The following NIPBL variants were observed in gnomAD, a reference collection of about 807,000 sequenced individuals.
The protein encoded by NIPBL is nipped-B-like protein.
NIPBL carries 19 observed loss-of-function variants against 321.8 expected under a neutral mutation model. That is an observed-to-expected ratio of 0.06 (90% CI 0.04 to 0.09). NIPBL has a LOEUF of 0.09. Among genes scored for constraint, NIPBL ranks in the 10% least tolerant of loss-of-function variants. NIPBL has a pLI of 1.00. For synonymous variants in NIPBL, 1,106 were observed against 1,114.1 expected, an observed-to-expected ratio of 0.99 and a Z score of 0.14; for missense variants, 2,210 against 3,327.0, an observed-to-expected ratio of 0.66 and a Z score of 8.26.
chr5:37,033,705 C>CAT (rs1270053859), intron 32 of NIPBL, among the ~76,000 whole-genome samples: 3 of 80,242 alleles, frequency 3.7e-5, no homozygotes, highest in East Asian at 3.7e-4. Flanking sequence ...CACACACACA[C>CAT]ATATATATAT....
At chr5:37,032,268 A>G (rs921403009) in intron 32 of NIPBL, among the ~76,000 whole-genome samples, 1 of 152,192 alleles carries the variant, frequency 6.6e-6, no homozygotes, top group African/African-American at 2.4e-5. Context: ...ATTTTATTGC[A>G]TGTACATTTT....
intron 7 of NIPBL, 60 bp downstream of exon 7, chr5:36,971,096 G>C: frequency 7.0e-7 from 1 of 1,428,130 alleles, no homozygotes; most frequent in Non-Finnish European, 9.8e-7. Context: ...ATATAACCTA[G>C]TATTTCCATT....
chr5:36,938,646 G>A (rs1165785972), intron 1 of NIPBL, among the ~76,000 whole-genome samples: 1 of 152,138 alleles, frequency 6.6e-6, no homozygotes, highest in South Asian at 2.1e-4. Context: ...AATGAACTAG[G>A]TACTGTCCAG....
intron 32 of NIPBL, among the ~76,000 whole-genome samples, chr5:37,029,584 A>G (rs1391987051): frequency 6.6e-6 from 1 of 152,214 alleles, no homozygotes; most frequent in Admixed American, 6.5e-5. Context: ...GTAAACTCCC[A>G]GGAATGTGAT....
At chr5:36,970,378 G>GT (rs1742714073) in intron 6 of NIPBL, among the ~76,000 whole-genome samples, 1 of 145,524 alleles carries the variant, frequency 6.9e-6, no homozygotes, top group African/African-American at 2.6e-5. Flanking sequence ...AGAGCTGTCT[G>GT]TAAAAAAAAT....
rs574234097 is a variant in NIPBL at position 37,035,626 on chromosome 5, T to C, written c.5863-753T>C. Among the ~76,000 whole-genome samples the C allele has an allele frequency of 3.3e-5, 5 of 152,352 alleles. No homozygotes were observed. The South Asian group carries it at 8.3e-4, about 25-fold the overall frequency. ...ATTGCAAGTGCTTAATAACTGCATG[T>C]GACTCTTGGAAACCATATTGGACAG... On this transcript the variant is annotated intron_variant, in intron 32 of 46. Transcript: ENST00000282516.
chr5:37,058,808 T>C (rs1754364560), intron 43 of NIPBL, 83 bp from the exon 44 acceptor site: 1 of 1,286,136 alleles, frequency 7.8e-7, no homozygotes, highest in African/African-American at 1.5e-5. Context: ...TAAGGAAGCT[T>C]TTTCAAGCTG....
chr5:36,970,767 T>C (rs1742765642), intron 6 of NIPBL, 109 bp from the exon 7 acceptor site: 1 of 948,908 alleles, frequency 1.1e-6, no homozygotes, highest in Admixed American at 2.0e-5. Flanking sequence ...GTATCTGTTA[T>C]ATTATTCTCT....
At chr5:37,037,159 G>A (rs967183135) in intron 33 of NIPBL, among the ~76,000 whole-genome samples, 18 of 151,316 alleles carry the variant, frequency 1.2e-4, no homozygotes, top group South Asian at 4.1e-4. Flanking sequence ...AGGCCAAGGC[G>A]GGCAGATCAT....
intron 29 of NIPBL, among the ~76,000 whole-genome samples, chr5:37,024,179 G>A (rs1347871708): frequency 1.3e-5 from 2 of 150,122 alleles, no homozygotes; most frequent in African/African-American, 4.9e-5. Flanking sequence ...AAAAAAAAAA[G>A]AAGTAACCAT....
intron 16 of NIPBL, among the ~76,000 whole-genome samples, chr5:37,004,735 T>G (rs1347295292): frequency 6.6e-6 from 1 of 152,158 alleles, no homozygotes; most frequent in Non-Finnish European, 1.5e-5. Flanking sequence ...AAAGCCTGAT[T>G]ATAAAAGTAA....
intron 14 of NIPBL, among the ~76,000 whole-genome samples, chr5:37,001,737 A>G (rs1746828347): frequency 6.6e-6 from 1 of 152,216 alleles, no homozygotes; most frequent in Non-Finnish European, 1.5e-5. Context: ...AGAATACAGT[A>G]GGATTAATGT....
intron 32 of NIPBL, among the ~76,000 whole-genome samples, chr5:37,035,483 T>G (rs1041469881): frequency 1.3e-5 from 2 of 152,214 alleles, no homozygotes; most frequent in African/African-American, 4.8e-5. Flanking sequence ...GTGGGGAAAG[T>G]TTAAGCTTGT....
At chr5:36,980,949 G>A (rs1254593019) in intron 9 of NIPBL, among the ~76,000 whole-genome samples, 1 of 151,616 alleles carries the variant, frequency 6.6e-6, no homozygotes, top group African/African-American at 2.4e-5. Flanking sequence ...CAAGGGTGTA[G>A]GTGAGGTCAT....
intron 4 of NIPBL, among the ~76,000 whole-genome samples, chr5:36,959,058 C>T (rs1278847663): frequency 6.6e-6 from 1 of 151,874 alleles, no homozygotes; most frequent in African/African-American, 2.4e-5. Flanking sequence ...AATACAACAA[C>T]TAGCCAGGCA....
In NIPBL at chr5:36,995,590, A is replaced by AT. The variant is rs148066104; in HGVS notation, c.3122-22dup. ...ATTTTCCTTTTATCTTCAGATTTAC[A>AT]TTTTTTTTTTAAATTTACCTTTCAT... On this transcript the variant is annotated intron_variant, in intron 10 of 46. Transcript: ENST00000282516. 4.1e-3 allele frequency: 5,738 copies of AT among 1,413,728 alleles called. 38 individuals are homozygous for AT. The highest frequency in any genetic ancestry group is 0.033 in the African/African-American group (2,327 of 69,896). 87.6% of individuals were successfully genotyped at this position (1,413,728 alleles called of 1,614,324 possible).
chr5:37,041,423 C>G (rs1334705780), intron 34 of NIPBL, among the ~76,000 whole-genome samples: 1 of 151,468 alleles, frequency 6.6e-6, no homozygotes, highest in African/African-American at 2.4e-5. Flanking sequence ...ACCACCACAC[C>G]TGGCTAATTT....
intron 11 of NIPBL, among the ~76,000 whole-genome samples, chr5:36,998,629 T>A (rs541245227): frequency 6.6e-6 from 1 of 152,212 alleles, no homozygotes; most frequent in East Asian, 1.9e-4. Flanking sequence ...CTGAGCAACA[T>A]AGCAAGACCC....
intron 6 of NIPBL, among the ~76,000 whole-genome samples, chr5:36,968,556 A>G (rs1742498924): frequency 6.6e-6 from 1 of 152,118 alleles, no homozygotes; most frequent in African/African-American, 2.4e-5. Flanking sequence ...CCGTCTCAAA[A>G]AAAAAAGAAG....
Sources: allele counts gnomAD v4.1 joint callset (sites outside exome capture counted in the v4.1 genomes callset), GRCh38; gene constraint gnomAD v4.1.1; transcripts MANE v1.5; gene names NCBI Gene and HGNC (gene_info 2026-07-23, HGNC 2026-07-21).